The following NXPH2 variants were observed in gnomAD, a reference collection of about 807,000 sequenced individuals.
The protein encoded by NXPH2 is neurexophilin 2, also known as neurexophilin-2.
A neutral mutation model predicts 19.8 loss-of-function variants in NXPH2; 5 were observed. The ratio of observed to expected loss-of-function variants is 0.25; its 90% CI spans 0.13 to 0.53. The LOEUF is 0.53. NXPH2 is among the 20% of genes least tolerant of loss of function. The pLI is 0.96. For synonymous variants in NXPH2, 154 were observed against 127.4 expected (o/e 1.21, Z -1.41); for missense variants, 289 against 322.8 (o/e 0.90, Z 0.80).
In NXPH2 at chr2:138,692,153, T is replaced by A. The variant is rs566168815; in HGVS notation, c.52-20488A>T. Among the ~76,000 whole-genome samples the A allele has an allele frequency of 1.7e-3, 261 of 152,240 alleles. 1 individual carries two copies. The highest frequency in any genetic ancestry group is 5.9e-3 in the African/African-American group (244 of 41,536). Reference sequence around the variant, plus strand: ...AGTTCAGCTCTGAGTCATTCTGATTTAAGGAGCTCACACAAAGCCTGGGAT... The same window carrying A: ...AGTTCAGCTCTGAGTCATTCTGATTAAAGGAGCTCACACAAAGCCTGGGAT... On this transcript the variant is annotated intron_variant, in intron 1 of 1. Coordinates refer to ENST00000272641, the MANE Select transcript of NXPH2 (RefSeq NM_007226.3).
chr2:138,691,425 A>C (rs1680743117), intron 1 of NXPH2, among the ~76,000 whole-genome samples: 1 of 152,186 alleles, frequency 6.6e-6, no homozygotes, highest in African/African-American at 2.4e-5. Flanking sequence ...TGAATGTGAG[A>C]GACATATATT....
chr2:138,679,705 C>T (rs1680543829), intron 1 of NXPH2, among the ~76,000 whole-genome samples: 1 of 152,094 alleles, frequency 6.6e-6, no homozygotes, highest in African/African-American at 2.4e-5. Flanking sequence ...GGGCCGAGGC[C>T]TGAATATATG....
chr2:138,720,414 A>G (rs1681260279), intron 1 of NXPH2, among the ~76,000 whole-genome samples: 1 of 152,254 alleles, frequency 6.6e-6, no homozygotes, highest in Non-Finnish European at 1.5e-5. Flanking sequence ...TTCGGTGAAG[A>G]GCAGGCATTT....
intron 1 of NXPH2, among the ~76,000 whole-genome samples, chr2:138,677,580 G>C (rs1201716397): frequency 1.3e-5 from 2 of 152,080 alleles, no homozygotes; most frequent in Non-Finnish European, 2.9e-5. Flanking sequence ...TGTTTTTAGG[G>C]GGGAAAAGCT....
intron 1 of NXPH2, among the ~76,000 whole-genome samples, chr2:138,709,483 C>A (rs1400483245): frequency 6.6e-6 from 1 of 151,870 alleles, no homozygotes; most frequent in African/African-American, 2.4e-5. Context: ...CCACCTTTCC[C>A]CCCACCAGTG....
At chr2:138,683,274 C>T (rs1303979069) in intron 1 of NXPH2, among the ~76,000 whole-genome samples, 2 of 152,150 alleles carry the variant, frequency 1.3e-5, no homozygotes, top group Admixed American at 6.6e-5. Context: ...CAATGAGAGA[C>T]ATGAGCTTCA....
chr2:138,717,657 A>T (rs182054554), intron 1 of NXPH2, among the ~76,000 whole-genome samples: 212 of 152,238 alleles, frequency 1.4e-3, no homozygotes, highest in African/African-American at 4.9e-3. Context: ...AGACAGAAAC[A>T]TCCAGACCAG....
At chr2:138,680,725 A>C (rs776448640) in intron 1 of NXPH2, among the ~76,000 whole-genome samples, 5 of 152,176 alleles carry the variant, frequency 3.3e-5, no homozygotes, top group Non-Finnish European at 7.3e-5. Context: ...CTTTATTTGG[A>C]TGAGTGAAAT....
intron 1 of NXPH2, among the ~76,000 whole-genome samples, chr2:138,697,571 T>C (rs1680847393): frequency 6.6e-6 from 1 of 151,974 alleles, no homozygotes; most frequent in Non-Finnish European, 1.5e-5. Flanking sequence ...ATAGTTTATA[T>C]ACAGATTTAA....
At chr2:138,736,089 C>T (rs1280750168) in intron 1 of NXPH2, among the ~76,000 whole-genome samples, 1 of 152,218 alleles carries the variant, frequency 6.6e-6, no homozygotes, top group Non-Finnish European at 1.5e-5. Context: ...GTGTCTGTGG[C>T]TTTTCCAGGT....
intron 1 of NXPH2, among the ~76,000 whole-genome samples, chr2:138,674,061 T>G (rs546942439): frequency 2.0e-5 from 3 of 152,224 alleles, no homozygotes; most frequent in South Asian, 4.2e-4. Context: ...CACTGCAACC[T>G]CAAACTCCTG....
At chr2:138,705,034 C>T (rs113722311) in intron 1 of NXPH2, among the ~76,000 whole-genome samples, 4,516 of 152,126 alleles carry the variant, frequency 0.03, 251 homozygotes, top group African/African-American at 0.1. Flanking sequence ...ACCATGTTGG[C>T]CAGGCTGGTC....
chr2:138,738,955 C>T (rs1681602211), intron 1 of NXPH2, among the ~76,000 whole-genome samples: 1 of 152,060 alleles, frequency 6.6e-6, no homozygotes, highest in East Asian at 1.9e-4. Flanking sequence ...AATTAACAAG[C>T]CCTGAAAGAA....
intron 1 of NXPH2, among the ~76,000 whole-genome samples, chr2:138,719,221 A>T (rs893630814): frequency 2.6e-5 from 4 of 152,140 alleles, no homozygotes; most frequent in African/African-American, 9.7e-5. Context: ...TTTGTGGAAG[A>T]TTATCCACAA....
intron 1 of NXPH2, among the ~76,000 whole-genome samples, chr2:138,701,593 G>C (rs1282356627): frequency 6.6e-6 from 1 of 152,188 alleles, no homozygotes; most frequent in Non-Finnish European, 1.5e-5. Flanking sequence ...ATCATCTGCA[G>C]CATGCAGATG....
intron 1 of NXPH2, among the ~76,000 whole-genome samples, chr2:138,735,877 G>GA: frequency 6.6e-6 from 1 of 152,310 alleles, no homozygotes; most frequent in East Asian, 1.9e-4. Flanking sequence ...TGACCAAAAC[G>GA]AAGGGGCTAC....
At chr2:138,776,587 A>T (rs796896053) in intron 1 of NXPH2, among the ~76,000 whole-genome samples, 35 of 149,884 alleles carry the variant, frequency 2.3e-4, no homozygotes, top group African/African-American at 7.8e-4. Flanking sequence ...TGCACGGCCA[A>T]CTCTAAGTCA....
At position 138,761,266 on chromosome 2, in the gene NXPH2, T is replaced by C. The variant is rs113743328; in HGVS notation, c.51+18925A>G. 1.4e-4 allele frequency among the ~76,000 whole-genome samples: 22 copies of C among 152,310 alleles called. 1 individual carries two copies. Among genetic ancestry groups the C allele is most frequent in the African/African-American group, 4.6e-4 (19 of 41,572 alleles). On this transcript the variant is annotated intron_variant, in intron 1 of 1. Coordinates refer to ENST00000272641, the MANE Select transcript of NXPH2 (RefSeq NM_007226.3). ...CGCATTCTCTGAAGGGTCCCATTGC[T>C]AACCCCTACATCAAATGTTTCGTCT...
At chr2:138,685,599 C>CT (rs1216116078) in intron 1 of NXPH2, among the ~76,000 whole-genome samples, 1 of 152,188 alleles carries the variant, frequency 6.6e-6, no homozygotes, top group Non-Finnish European at 1.5e-5. Flanking sequence ...AGAACTCTTA[C>CT]TTTAGTTGGG....
Sources: allele counts gnomAD v4.1 joint callset (sites outside exome capture counted in the v4.1 genomes callset), GRCh38; gene constraint gnomAD v4.1.1; transcripts MANE v1.5; gene names NCBI Gene and HGNC (gene_info 2026-07-23, HGNC 2026-07-21).